Variants in MARCHF1 observed in about 807,000 individuals in gnomAD.
MARCHF1 encodes the protein E3 ubiquitin-protein ligase MARCHF1.
MARCHF1 carries 40 observed loss-of-function variants against 54.2 expected under a neutral mutation model. The observed-to-expected ratio is 0.74, with a 90% CI of 0.57 to 0.96. The LOEUF is 0.96. Ranked by LOEUF, MARCHF1 falls within the 40% of genes least tolerant of loss-of-function variation. MARCHF1 has a pLI of 0.00. For missense variants in MARCHF1, 586 were observed against 656.5 expected (o/e 0.89, Z 1.17); for synonymous variants, 236 against 236.3 (o/e 1.00, Z 0.01).
At chr4:164,144,531 G>C (rs1048434091) in intron 1 of MARCHF1, among the ~76,000 whole-genome samples, 2 of 151,806 alleles carry the variant, frequency 1.3e-5, no homozygotes, top group Admixed American at 1.3e-4. Flanking sequence ...TCAAAACTGC[G>C]CAACTACACA....
intron 3 of MARCHF1, among the ~76,000 whole-genome samples, chr4:163,908,531 A>C (rs1406254622): frequency 6.6e-6 from 1 of 152,172 alleles, no homozygotes; most frequent in Non-Finnish European, 1.5e-5. Context: ...GTTGTGGTCT[A>C]TGTAGATATA....
intron 5 of MARCHF1, among the ~76,000 whole-genome samples, chr4:163,669,763 T>C (rs1743666694): frequency 6.6e-6 from 1 of 152,094 alleles, no homozygotes; most frequent in African/African-American, 2.4e-5. Context: ...CATACCTGGC[T>C]AATTTTTGTA....
chr4:164,258,868 G>T (rs1560977463), intron 1 of MARCHF1, among the ~76,000 whole-genome samples: 1 of 152,030 alleles, frequency 6.6e-6, no homozygotes, highest in Non-Finnish European at 1.5e-5. Flanking sequence ...TGACATGTCA[G>T]AATTATAGAA....
intron 8 of MARCHF1, among the ~76,000 whole-genome samples, chr4:163,573,712 T>C (rs1231315235): frequency 6.6e-6 from 1 of 151,886 alleles, no homozygotes; most frequent in East Asian, 1.9e-4. Context: ...CAGTCTATCA[T>C]TGTTGGACAT....
At chr4:163,986,497 C>T (rs1272262600) in intron 3 of MARCHF1, among the ~76,000 whole-genome samples, 3 of 151,746 alleles carry the variant, frequency 2.0e-5, no homozygotes. Context: ...GATCTCCTGA[C>T]CTTGTGATCC....
At chr4:163,977,317 G>A (rs956216389) in intron 3 of MARCHF1, among the ~76,000 whole-genome samples, 4 of 152,078 alleles carry the variant, frequency 2.6e-5, no homozygotes, top group Non-Finnish European at 4.4e-5. Context: ...CTGATCAGTA[G>A]CTACATTCAG....
chr4:163,925,963 G>A (rs776937791), intron 3 of MARCHF1, among the ~76,000 whole-genome samples: 7 of 151,424 alleles, frequency 4.6e-5, no homozygotes, highest in Non-Finnish European at 1.0e-4. Flanking sequence ...AACATTCTGA[G>A]GTTTTTGTTT....
intron 1 of MARCHF1, among the ~76,000 whole-genome samples, chr4:164,127,108 T>TGATTGGAAACAA (rs1756201423): frequency 6.9e-6 from 1 of 144,538 alleles, no homozygotes; most frequent in Non-Finnish European, 1.5e-5. Context: ...GAAACTGAAC[T>TGATTGGAAACAA]GGAGAAACAG....
chr4:164,177,984 C>T (rs4339165), intron 1 of MARCHF1, among the ~76,000 whole-genome samples: 123,118 of 152,094 alleles, frequency 0.81, 50,560 homozygotes, highest in Non-Finnish European at 0.89. Context: ...TTTGACAATC[C>T]GTCCTAGACA....
intron 5 of MARCHF1, among the ~76,000 whole-genome samples, chr4:163,660,131 T>C (rs140562640): frequency 1.3e-5 from 2 of 151,972 alleles, no homozygotes; most frequent in African/African-American, 2.4e-5. Context: ...CTATTTACAA[T>C]AGTAAAGACT....
chr4:163,665,112 T>A (rs1170756113), intron 5 of MARCHF1, among the ~76,000 whole-genome samples: 2 of 152,084 alleles, frequency 1.3e-5, no homozygotes, highest in Non-Finnish European at 2.9e-5. Flanking sequence ...GACACAATGC[T>A]ATGGCTCTGA....
intron 3 of MARCHF1, among the ~76,000 whole-genome samples, chr4:163,985,829 A>G (rs971683640): frequency 5.3e-5 from 8 of 152,204 alleles, no homozygotes; most frequent in African/African-American, 1.9e-4. Context: ...AAGCAAGAAC[A>G]TTAAGGAAAC....
intron 1 of MARCHF1, among the ~76,000 whole-genome samples, chr4:164,337,238 G>A (rs762640623): frequency 3.3e-5 from 5 of 152,212 alleles, no homozygotes; most frequent in Non-Finnish European, 5.9e-5. Context: ...GTGGATGTCA[G>A]TAACTGTGGG....
intron 5 of MARCHF1, among the ~76,000 whole-genome samples, chr4:163,620,606 CAGAG>C (rs138054709): frequency 0.038 from 2,179 of 56,668 alleles, 33 homozygotes; most frequent in African/African-American, 0.064. Flanking sequence ...CACACACACA[CAGAG>C]AGAGAGAGAG....
chr4:163,980,624 C>G (rs1054668237), intron 3 of MARCHF1, among the ~76,000 whole-genome samples: 4 of 152,110 alleles, frequency 2.6e-5, no homozygotes, highest in African/African-American at 9.7e-5. Context: ...ATGCTTGAGT[C>G]AGATAGTAAA....
At chr4:163,797,345 G>A (rs1009530354) in intron 4 of MARCHF1, among the ~76,000 whole-genome samples, 3 of 38,370 alleles carry the variant, frequency 7.8e-5, no homozygotes, top group Non-Finnish European at 2.9e-4. Flanking sequence ...GTGTGTGTGT[G>A]TGTGTTTATG....
intron 1 of MARCHF1, among the ~76,000 whole-genome samples, chr4:164,176,974 C>CTATATATA (rs1382575137): frequency 2.3e-4 from 7 of 29,964 alleles, no homozygotes; most frequent in African/African-American, 5.1e-4. Flanking sequence ...CTCTCTCTCT[C>CTATATATA]TCTCTCTATA....
chr4:164,143,683 G>A (rs1258707888), intron 1 of MARCHF1, among the ~76,000 whole-genome samples: 1 of 152,156 alleles, frequency 6.6e-6, no homozygotes, highest in Non-Finnish European at 1.5e-5. Flanking sequence ...CGCTAAACAT[G>A]GAAAGGAACA....
At chr4:164,291,467 A>G (rs529941005) in intron 1 of MARCHF1, among the ~76,000 whole-genome samples, 83 of 152,182 alleles carry the variant, frequency 5.5e-4, no homozygotes, top group South Asian at 3.1e-3. Flanking sequence ...AGACATAATT[A>G]TCATTTATTT....
Sources: allele counts gnomAD v4.1 joint callset (sites outside exome capture counted in the v4.1 genomes callset), GRCh38; gene constraint gnomAD v4.1.1; transcripts MANE v1.5; gene names NCBI Gene and HGNC (gene_info 2026-07-23, HGNC 2026-07-21).